The following LEKR1 variants were observed in gnomAD, a reference collection of about 807,000 sequenced individuals.
LEKR1 encodes protein LEKR1.
A neutral mutation model predicts 72.4 loss-of-function variants in LEKR1; 59 were observed. That is an observed-to-expected ratio of 0.82 (90% CI 0.66 to 1.01). The LOEUF (loss-of-function observed/expected upper bound fraction) is 1.01, where lower values mean the gene tolerates loss of function less well. Ranked by LOEUF, LEKR1 falls within the 50% of genes least tolerant of loss-of-function variation. The probability of loss-of-function intolerance (pLI) is 0.00; values close to 1 mark genes in which losing one functional copy is unlikely to be tolerated. For synonymous variants in LEKR1, 257 were observed against 263.2 expected (o/e 0.98, Z 0.23); for missense variants, 728 against 759.2 (o/e 0.96, Z 0.48).
intron 3 of LEKR1, among the ~76,000 whole-genome samples, chr3:156,865,683 A>G (rs138237235): frequency 2.6e-5 from 4 of 152,040 alleles, no homozygotes; most frequent in Admixed American, 6.6e-5. Flanking sequence ...TGATCATTGT[A>G]TCTGTCATAG....
chr3:156,942,367 T>A (rs931062832), intron 5 of LEKR1, among the ~76,000 whole-genome samples, 162 bp from the exon 6 acceptor site: 1 of 152,072 alleles, frequency 6.6e-6, no homozygotes, highest in African/African-American at 2.4e-5. Context: ...TCAGACTGAC[T>A]ACTGAATTTA....
intron 6 of LEKR1, among the ~76,000 whole-genome samples, chr3:156,966,330 C>T (rs1728583138): frequency 6.6e-6 from 1 of 152,056 alleles, no homozygotes; most frequent in African/African-American, 2.4e-5. Context: ...CAGGGTGAGG[C>T]ATCGCCTCAC....
intron 1 of LEKR1, among the ~76,000 whole-genome samples, chr3:156,828,542 C>T (rs1317974013): frequency 6.6e-6 from 1 of 151,772 alleles, no homozygotes; most frequent in African/African-American, 2.4e-5. Flanking sequence ...CTTCTCCTGA[C>T]TTCTTAGATA....
At chr3:157,035,190 A>G (rs1374939282) in intron 12 of LEKR1, among the ~76,000 whole-genome samples, 1 of 152,210 alleles carries the variant, frequency 6.6e-6, no homozygotes. Context: ...AAACCAAAAA[A>G]TTCATGTGAC....
intron 3 of LEKR1, among the ~76,000 whole-genome samples, chr3:156,894,050 C>T (rs1025341346): frequency 1.4e-4 from 22 of 152,172 alleles, no homozygotes; most frequent in African/African-American, 5.1e-4. Context: ...AGTTTATGGG[C>T]AAGTGCCAAA....
chr3:157,045,778 A>G lies in LEKR1; in HGVS notation c.*28A>G. 4 of 1,590,192 alleles carry G rather than the reference A, an allele frequency of 2.5e-6. No individual in the cohort carries two copies. Among genetic ancestry groups the G allele is most frequent in the Non-Finnish European group, 3.4e-6 (4 of 1,170,414 alleles). ...CAAAATGAGGAGCAGGAAGCTCCCT[A>G]CAGCGTGCACGCTCTTTCAGAGAGT... On this transcript the variant is annotated 3_prime_UTR_variant, in exon 13 of 13. Transcript: ENST00000356539.
chr3:156,893,643 G>T (rs1435334649), intron 3 of LEKR1, among the ~76,000 whole-genome samples: 1 of 152,122 alleles, frequency 6.6e-6, no homozygotes, highest in Non-Finnish European at 1.5e-5. Flanking sequence ...TGAGATGCCT[G>T]CTCCCCCTTT....
chr3:156,937,471 C>T (rs1332755484), intron 5 of LEKR1, among the ~76,000 whole-genome samples: 2 of 152,130 alleles, frequency 1.3e-5, no homozygotes, highest in African/African-American at 2.4e-5. Context: ...CAATTAAATA[C>T]AACTACACAT....
intron 6 of LEKR1, among the ~76,000 whole-genome samples, chr3:156,961,290 T>G (rs1420573106): frequency 1.3e-5 from 2 of 152,230 alleles, no homozygotes; most frequent in East Asian, 1.9e-4. Context: ...ATTCACAAAT[T>G]ACAAAATTCA....
chr3:156,838,424 C>T (rs1401295938), intron 2 of LEKR1, among the ~76,000 whole-genome samples: 1 of 152,158 alleles, frequency 6.6e-6, no homozygotes, highest in African/African-American at 2.4e-5. Context: ...TCTGAACTAA[C>T]CTCTTATTCT....
intron 2 of LEKR1, among the ~76,000 whole-genome samples, chr3:156,848,291 T>G (rs1416039574): frequency 6.6e-6 from 1 of 152,160 alleles, no homozygotes; most frequent in Admixed American, 6.5e-5. Context: ...ATGCAGAGAG[T>G]AATAGGATAA....
At chr3:157,007,281 A>G (rs573309656) in intron 9 of LEKR1, among the ~76,000 whole-genome samples, 4 of 152,290 alleles carry the variant, frequency 2.6e-5, no homozygotes, top group Non-Finnish European at 5.9e-5. Context: ...GACCATAAGG[A>G]AGTTGAGAAA....
chr3:156,872,894 T>C (rs561447500), intron 3 of LEKR1, among the ~76,000 whole-genome samples: 1 of 152,242 alleles, frequency 6.6e-6, no homozygotes, highest in South Asian at 2.1e-4. Flanking sequence ...TTCTATGTGC[T>C]GGTGAGAAGA....
chr3:157,045,188 A>G, intron 12 of LEKR1, 152 bp from the exon 13 acceptor site: 2 of 624,750 alleles, frequency 3.2e-6, no homozygotes, highest in Admixed American at 3.0e-5. Flanking sequence ...TCTGTTCTTG[A>G]CTTGTCTGTC....
At position 156,993,103 on chromosome 3, in the gene LEKR1, A is replaced by T; in HGVS notation, c.935A>T (p.Asp312Val). The T allele has an allele frequency of 6.2e-7, 1 of 1,603,880 alleles. No individual in the cohort carries two copies. Residue 312 changes from aspartate (D) to valine (V), a missense_variant, in exon 9 of 13, where the codon GAC (aspartate) becomes GTC (valine). Physicochemically the swap from Asp to Val is radical, Grantham distance 152. Coordinates refer to ENST00000356539, the MANE Select transcript of LEKR1 (RefSeq NM_001004316.3). ...QHTMLLKEKE[D>V]SLMTCQQIYK... ...ACTATGCTGCTTAAGGAAAAAGAAG[A>T]CTCTTTAATGACTTGTCAACAGATA...
chr3:156,916,147 G>A (rs952440396), intron 3 of LEKR1, among the ~76,000 whole-genome samples: 4 of 152,058 alleles, frequency 2.6e-5, no homozygotes, highest in South Asian at 2.1e-4. Flanking sequence ...GTACTATGCT[G>A]TTTTGCTTAC....
chr3:157,043,375 TC>T (rs750317744), intron 12 of LEKR1, among the ~76,000 whole-genome samples: 4 of 151,750 alleles, frequency 2.6e-5, no homozygotes, highest in East Asian at 1.9e-4. Flanking sequence ...GATTGGGTCT[TC>T]CCCCCACTTT....
chr3:156,848,204 T>A (rs1018310632), intron 2 of LEKR1, among the ~76,000 whole-genome samples: 2 of 152,166 alleles, frequency 1.3e-5, no homozygotes, highest in Admixed American at 6.5e-5. Flanking sequence ...TTTATTGACA[T>A]GGATGAATTA....
chr3:156,982,249 T>C (rs1343477019), intron 7 of LEKR1, among the ~76,000 whole-genome samples: 2 of 152,200 alleles, frequency 1.3e-5, no homozygotes, highest in Non-Finnish European at 2.9e-5. Flanking sequence ...TGATGTTCTT[T>C]CTGTCTCCAT....
Sources: gnomAD v4.1 joint callset for allele counts (sites outside exome capture counted in the v4.1 genomes callset) on GRCh38, gnomAD v4.1.1 for gene constraint, MANE v1.5 for transcripts, NCBI Gene and HGNC (gene_info 2026-07-23, HGNC 2026-07-21) for gene names.